Variants in POPDC3 observed in about 807,000 individuals in gnomAD.
POPDC3 encodes the protein popeye domain cAMP effector 3, also known as popeye domain-containing protein 3.
POPDC3 carries 20 observed loss-of-function variants against 28.2 expected under a neutral mutation model. The ratio of observed to expected loss-of-function variants is 0.71; its 90% CI spans 0.50 to 1.03. The LOEUF (loss-of-function observed/expected upper bound fraction) is 1.03. POPDC3 is among the 50% of genes least tolerant of loss of function. The pLI is 0.00. For missense variants in POPDC3, 316 were observed against 345.9 expected, an observed-to-expected ratio of 0.91 and a Z score of 0.69; for synonymous variants, 118 against 124.1, an observed-to-expected ratio of 0.95 and a Z score of 0.33.
intron 1 of POPDC3, chr6:105,163,624 A>G (rs929203227): frequency 2.6e-5 from 4 of 152,202 alleles, no homozygotes; most frequent in African/African-American, 9.7e-5. Context: ...AGAGGTGAAA[A>G]TGACTTAGCT....
intron 1 of POPDC3, among the ~76,000 whole-genome samples, chr6:105,177,419 T>A (rs1774701458): frequency 6.6e-6 from 1 of 152,138 alleles, no homozygotes; most frequent in African/African-American, 2.4e-5. Flanking sequence ...CAAATTCCCA[T>A]ATACCTGTTA....
At chr6:105,167,105 G>A (rs1159325875) in intron 1 of POPDC3, among the ~76,000 whole-genome samples, 2 of 151,574 alleles carry the variant, frequency 1.3e-5, no homozygotes, top group African/African-American at 2.4e-5. Flanking sequence ...CAGTTTAGAT[G>A]TTGAATTAAA....
At chr6:105,163,704 T>C (rs562203794) in intron 1 of POPDC3, 2 of 152,212 alleles carry the variant, frequency 1.3e-5, no homozygotes, top group East Asian at 3.9e-4. Context: ...GTTGTTGAAG[T>C]TCCTGATTTT....
intron 1 of POPDC3, among the ~76,000 whole-genome samples, chr6:105,177,265 T>TACAATGTAAAATGAAACAG (rs1413403231): frequency 6.6e-6 from 1 of 152,076 alleles, no homozygotes; most frequent in East Asian, 1.9e-4. Context: ...AATTAAAAAA[T>TACAATGTAAAATGAAACAG]ACAATGTAAA....
intron 1 of POPDC3, chr6:105,169,750 G>C (rs1774536976): frequency 6.6e-6 from 1 of 152,056 alleles, no homozygotes; most frequent in South Asian, 2.1e-4. Context: ...TGAGCAGATA[G>C]TTTTATTGTC....
At chr6:105,158,987 A>C in intron 3 of POPDC3, 1 of 368,600 alleles carries the variant, frequency 2.7e-6, no homozygotes, top group Non-Finnish European at 4.8e-6. Context: ...TGTTTTTCTA[A>C]GTTCCAGTAT....
At position 105,158,480 on chromosome 6, in the gene POPDC3, C is replaced by T; in HGVS notation, c.866G>A (p.Cys289Tyr). The T allele has an allele frequency of 6.2e-7, 1 of 1,608,908 alleles. No homozygotes were observed. Among genetic ancestry groups the T allele is most frequent in the South Asian group, 1.1e-5 (1 of 90,418 alleles). The change falls in exon 4 of 4, where the codon TGT becomes TAT. Residue 289 changes from cysteine to tyrosine, a missense_variant. Physicochemically the swap from Cys to Tyr is radical, Grantham distance 194. Transcript: ENST00000254765. The stretch of plus-strand genomic sequence containing the variant: ...TTTCAGACTTTGATGTCATTTATCA[C>T]AGTATCGTCTGGAATTCTGAAAATG... ...TQHFQNSRRY[C>Y]DK
At chr6:105,158,797 ACTT>A (rs1267503608) in intron 3 of POPDC3, 46 bp from the exon 4 acceptor site, 2 of 1,474,382 alleles carry the variant, frequency 1.4e-6, no homozygotes, top group African/African-American at 2.8e-5. Context: ...AAGCAAGAAA[ACTT>A]CTGCCACATT....
chr6:105,163,088 A>C (rs1033799201), intron 1 of POPDC3, among the ~76,000 whole-genome samples: 1 of 152,238 alleles, frequency 6.6e-6, no homozygotes, highest in Admixed American at 6.5e-5. Context: ...AATAAACATA[A>C]GAAACATAAT....
intron 1 of POPDC3, among the ~76,000 whole-genome samples, chr6:105,168,453 G>A (rs1305429621): frequency 2.6e-5 from 4 of 152,202 alleles, no homozygotes; most frequent in African/African-American, 7.2e-5. Context: ...CAGAGAACAT[G>A]CCGACAGGCT....
intron 1 of POPDC3, among the ~76,000 whole-genome samples, chr6:105,173,382 A>C (rs1039795849): frequency 6.6e-6 from 1 of 152,212 alleles, no homozygotes; most frequent in African/African-American, 2.4e-5. Context: ...TGACTTCCAG[A>C]ACAATTATAA....
chr6:105,162,742 T>C (rs1009796692), intron 1 of POPDC3, among the ~76,000 whole-genome samples: 4 of 152,154 alleles, frequency 2.6e-5, no homozygotes, highest in Admixed American at 2.0e-4. Flanking sequence ...TTAATACATA[T>C]ATATATTTGC....
chr6:105,176,705 C>T (rs111885451), intron 1 of POPDC3, among the ~76,000 whole-genome samples: 2 of 151,964 alleles, frequency 1.3e-5, no homozygotes, highest in Middle Eastern at 6.8e-3. Flanking sequence ...TGCAGGCGCA[C>T]GCAACCACGC....
intron 1 of POPDC3, chr6:105,179,242 C>T: frequency 1.0e-6 from 1 of 985,342 alleles, no homozygotes; most frequent in South Asian, 4.7e-5. Flanking sequence ...GAAAACAGGT[C>T]CGCGCGACCT....
chr6:105,159,691 T>G lies in POPDC3; in HGVS notation c.594+20A>C, dbSNP rs201434806. 6.9e-5 allele frequency: 93 copies of G among 1,343,788 alleles called. 2 individuals carry two copies. The East Asian group carries it at 2.0e-3, about 29-fold the overall frequency. 83.2% of individuals were successfully genotyped at this position (1,343,788 alleles called of 1,614,324 possible). ...TGTTTGAAAGAGGGAGTGCTAACTG[T>G]GTGTTCTGGTATCCCTTACCTGAAA... On this transcript the variant is annotated intron_variant, in intron 3 of 3. Coordinates refer to ENST00000254765, the MANE Select transcript of POPDC3 (RefSeq NM_022361.5).
At chr6:105,173,369 T>C (rs1393075520) in intron 1 of POPDC3, among the ~76,000 whole-genome samples, 1 of 152,222 alleles carries the variant, frequency 6.6e-6, no homozygotes, top group Non-Finnish European at 1.5e-5. Context: ...CCTTCATGCA[T>C]TGTGACTTCC....
intron 1 of POPDC3, chr6:105,169,525 AAC>A (rs1404632603): frequency 1.3e-5 from 2 of 152,234 alleles, no homozygotes; most frequent in Non-Finnish European, 2.9e-5. Context: ...AGTTCTTTGT[AAC>A]ATTGAGCCAT....
At chr6:105,170,915 A>T (rs549540312) in intron 1 of POPDC3, among the ~76,000 whole-genome samples, 78 of 152,196 alleles carry the variant, frequency 5.1e-4, no homozygotes, top group Non-Finnish European at 9.3e-4. Context: ...CTTGCTAGGG[A>T]GGTGGAATGG....
chr6:105,166,599 T>G, intron 1 of POPDC3: 1 of 471,240 alleles, frequency 2.1e-6, no homozygotes, highest in Non-Finnish European at 4.4e-6. Flanking sequence ...TTTACCTCGG[T>G]GAAAAGACGT....
Sources: allele counts gnomAD v4.1 joint callset (sites outside exome capture counted in the v4.1 genomes callset), GRCh38; gene constraint gnomAD v4.1.1; transcripts MANE v1.5; gene names NCBI Gene and HGNC (gene_info 2026-07-23, HGNC 2026-07-21).